ABCA13: variants seen among roughly 807,000 people sequenced by gnomAD.
ABCA13 encodes the protein ATP binding cassette subfamily A member 13.
In ABCA13, 476 loss-of-function variants were observed where a neutral mutation model predicts 478.7. That is an observed-to-expected ratio of 0.99 (90% CI 0.92 to 1.07). The LOEUF is 1.07. ABCA13 is among the 50% of genes least tolerant of loss of function. The pLI is 0.00. For missense variants in ABCA13, 6,060 were observed against 5,910.6 expected (o/e 1.03, Z -0.83); for synonymous variants, 2,252 against 2,158.9 (o/e 1.04, Z -1.20).
intron 45 of ABCA13, among the ~76,000 whole-genome samples, chr7:48,472,582 C>G (rs1169970683): frequency 2.0e-5 from 3 of 151,802 alleles, no homozygotes; most frequent in Non-Finnish European, 4.4e-5. Flanking sequence ...GAGCTTAGAG[C>G]AGAAATGTAA....
intron 27 of ABCA13, among the ~76,000 whole-genome samples, chr7:48,321,870 C>A (rs1330386108): frequency 1.3e-5 from 2 of 152,172 alleles, no homozygotes; most frequent in Admixed American, 6.5e-5. Flanking sequence ...CACAGACAGG[C>A]AGACGAGGCA....
Position 48,269,014 on chromosome 7 carries a change from C to A in ABCA13, c.2040C>A (p.Asn680Lys). ...FPEESPCFEENMDWKMISDNY... is the reference protein window; with the variant it reads ...FPEESPCFEEKMDWKMISDNY... ...AGGAATCTCCTTGTTTTGAAGAAAACATGGATTGGAAAATGATCAGTGATA... is the reference window on the plus strand; with the variant it reads ...AGGAATCTCCTTGTTTTGAAGAAAAAATGGATTGGAAAATGATCAGTGATA... Residue 680 changes from asparagine (N) to lysine (K), a missense_variant, in exon 16 of 62, where the codon AAC becomes AAA. Physicochemically the swap from Asn to Lys is moderately conservative, Grantham distance 94. Around this residue, in one of 3 missense-constraint regions of ABCA13, gnomAD observed 4,423 missense variants for 4,309.1 expected, o/e 1.03. Transcript: ENST00000435803. 1 of 1,598,460 alleles carries A rather than the reference C, an allele frequency of 6.3e-7. No homozygotes were observed. The highest frequency in any genetic ancestry group is 8.6e-7 in the Non-Finnish European group (1 of 1,168,362).
intron 42 of ABCA13, among the ~76,000 whole-genome samples, chr7:48,430,253 A>C (rs1034025457): frequency 6.6e-6 from 1 of 152,170 alleles, no homozygotes; most frequent in Admixed American, 6.5e-5. Flanking sequence ...ATTTTTCTCA[A>C]ATCAGTTTCA....
chr7:48,175,734 A>C (rs1413040905), intron 1 of ABCA13, among the ~76,000 whole-genome samples: 1 of 152,110 alleles, frequency 6.6e-6, no homozygotes, highest in Non-Finnish European at 1.5e-5. Flanking sequence ...GTGATATATC[A>C]TTGTTATTAT....
intron 3 of ABCA13, among the ~76,000 whole-genome samples, chr7:48,209,337 G>T (rs1426127863): frequency 1.3e-5 from 2 of 151,714 alleles, no homozygotes; most frequent in African/African-American, 4.8e-5. Flanking sequence ...TTATTTTTTT[G>T]TGTATATGTC....
chr7:48,258,275 A>G (rs1793689423), intron 15 of ABCA13, among the ~76,000 whole-genome samples: 1 of 152,172 alleles, frequency 6.6e-6, no homozygotes, highest in African/African-American at 2.4e-5. Flanking sequence ...CATATTGATC[A>G]GTTCAGGGAT....
chr7:48,175,348 G>A (rs1341154075), intron 1 of ABCA13, among the ~76,000 whole-genome samples: 1 of 152,068 alleles, frequency 6.6e-6, no homozygotes, highest in Non-Finnish European at 1.5e-5. Flanking sequence ...TAACTGTTAT[G>A]TCAAATGTTT....
At chr7:48,255,139 G>A (rs1793187268) in intron 15 of ABCA13, among the ~76,000 whole-genome samples, 1 of 152,080 alleles carries the variant, frequency 6.6e-6, no homozygotes, top group Non-Finnish European at 1.5e-5. Context: ...TTCCAATTTA[G>A]AATTCAAAGC....
intron 15 of ABCA13, among the ~76,000 whole-genome samples, chr7:48,260,740 T>G (rs1256650210): frequency 1.3e-5 from 2 of 152,024 alleles, no homozygotes; most frequent in Non-Finnish European, 2.9e-5. Context: ...TCCTGTTGAC[T>G]TAATGCTCTA....
At chr7:48,424,901 C>T (rs1249495498) in intron 41 of ABCA13, among the ~76,000 whole-genome samples, 3 of 152,334 alleles carry the variant, frequency 2.0e-5, no homozygotes, top group Non-Finnish European at 4.4e-5. Context: ...AATTGGGCTA[C>T]TTTGACATTT....
chr7:48,566,874 G>C (rs1787121829), intron 55 of ABCA13, among the ~76,000 whole-genome samples: 1 of 152,174 alleles, frequency 6.6e-6, no homozygotes, highest in Non-Finnish European at 1.5e-5. Context: ...TCTTTAAAAT[G>C]CTATTTGAGT....
chr7:48,219,053 G>C (rs1013295709), intron 3 of ABCA13, among the ~76,000 whole-genome samples: 1 of 152,162 alleles, frequency 6.6e-6, no homozygotes, highest in Admixed American at 6.5e-5. Flanking sequence ...CGTGTGCAGG[G>C]CATGCTGTAT....
chr7:48,544,846 G>A (rs1162934044), intron 55 of ABCA13, among the ~76,000 whole-genome samples: 5 of 151,846 alleles, frequency 3.3e-5, no homozygotes, highest in South Asian at 2.1e-4. Flanking sequence ...GAAAGGGAGC[G>A]GTCTTGGGGA....
intron 46 of ABCA13, 135 bp downstream of exon 46, chr7:48,481,289 G>T (rs992194851): frequency 1.6e-5 from 11 of 687,284 alleles, no homozygotes; most frequent in Non-Finnish European, 2.3e-5. Flanking sequence ...CACAGTGTGT[G>T]ATGTTCCCCT....
intron 42 of ABCA13, among the ~76,000 whole-genome samples, chr7:48,449,086 G>A (rs771834340): frequency 3.3e-5 from 5 of 152,050 alleles, no homozygotes; most frequent in Non-Finnish European, 5.9e-5. Flanking sequence ...CCAGTGATTC[G>A]CCCACCTTGG....
intron 36 of ABCA13, 59 bp from the exon 37 acceptor site, chr7:48,388,981 G>T (rs993824038): frequency 6.5e-7 from 1 of 1,532,638 alleles, no homozygotes; most frequent in South Asian, 1.2e-5. Context: ...TAATAAATAT[G>T]AGCATTATTT....
At chr7:48,368,772 C>CAT (rs1160410652) in intron 32 of ABCA13, among the ~76,000 whole-genome samples, 3 of 118,812 alleles carry the variant, frequency 2.5e-5, no homozygotes, top group Non-Finnish European at 5.3e-5. Flanking sequence ...CACACATATA[C>CAT]ATATACACAC....
chr7:48,233,604 C>G (rs868134809), intron 7 of ABCA13, among the ~76,000 whole-genome samples: 2 of 152,166 alleles, frequency 1.3e-5, no homozygotes, highest in African/African-American at 4.8e-5. Flanking sequence ...TATCCTTTCC[C>G]TGGATACTAG....
intron 55 of ABCA13, among the ~76,000 whole-genome samples, chr7:48,569,460 T>C (rs1034913035): frequency 6.6e-6 from 1 of 152,340 alleles, no homozygotes; most frequent in South Asian, 2.1e-4. Flanking sequence ...TTTAGTCCAT[T>C]GTAGTCAAAG....
Sources: gnomAD v4.1 joint callset for allele counts (sites outside exome capture counted in the v4.1 genomes callset) on GRCh38, gnomAD v4.1.1 for gene constraint, gnomAD v4.1.1 regional missense constraint, MANE v1.5 for transcripts, NCBI Gene and HGNC (gene_info 2026-07-23, HGNC 2026-07-21) for gene names.